The following DSCAM variants were observed in gnomAD, a reference collection of about 807,000 sequenced individuals.
DSCAM encodes the protein cell adhesion molecule DSCAM.
DSCAM carries 47 observed loss-of-function variants against 217.7 expected under a neutral mutation model. The ratio of observed to expected loss-of-function variants is 0.22; its 90% CI spans 0.17 to 0.28. The LOEUF is 0.28. Ranked by LOEUF, DSCAM falls within the 10% of genes least tolerant of loss-of-function variation. The probability of loss-of-function intolerance (pLI) is 1.00; values close to 1 mark genes in which losing one functional copy is unlikely to be tolerated. For synonymous variants in DSCAM, 1,056 were observed against 1,015.3 expected (o/e 1.04, Z -0.76); for missense variants, 2,080 against 2,618.3 (o/e 0.79, Z 4.49).
chr21:40,715,423 A>C (rs2090831218), intron 1 of DSCAM, among the ~76,000 whole-genome samples: 1 of 152,236 alleles, frequency 6.6e-6, no homozygotes, highest in Middle Eastern at 3.2e-3. Context: ...TGGGAAGCAC[A>C]GTGAACACCA....
intron 3 of DSCAM, among the ~76,000 whole-genome samples, chr21:40,547,596 G>T (rs974210809): frequency 6.6e-6 from 1 of 152,134 alleles, no homozygotes; most frequent in African/African-American, 2.4e-5. Flanking sequence ...GAAATAAAAG[G>T]CTTGCAGGAG....
At chr21:40,133,802 T>G (rs1486003441) in intron 19 of DSCAM, 52 bp downstream of exon 19, 2 of 1,548,286 alleles carry the variant, frequency 1.3e-6, no homozygotes, top group Non-Finnish European at 1.7e-6. Flanking sequence ...GAGCTCTCTG[T>G]GACCCAGCCC....
chr21:40,062,644 C>A (rs1246862563), intron 28 of DSCAM, among the ~76,000 whole-genome samples: 1 of 152,192 alleles, frequency 6.6e-6, no homozygotes, highest in Non-Finnish European at 1.5e-5. Flanking sequence ...GTCCAGCCAA[C>A]AAGACAACTA....
chr21:40,227,212 T>C (rs2091341041), intron 11 of DSCAM, among the ~76,000 whole-genome samples: 2 of 152,326 alleles, frequency 1.3e-5, no homozygotes, highest in Middle Eastern at 3.4e-3. Context: ...TGTGTCATGG[T>C]TGACTCTGGC....
At chr21:40,188,976 G>A (rs1205628671) in intron 12 of DSCAM, 66 bp downstream of exon 12, 1 of 1,529,318 alleles carries the variant, frequency 6.5e-7, no homozygotes, top group Non-Finnish European at 9.0e-7. Flanking sequence ...ACCCGCTTCT[G>A]TGAAAGGAAA....
intron 3 of DSCAM, among the ~76,000 whole-genome samples, chr21:40,487,519 A>G (rs1214874184): frequency 6.6e-6 from 1 of 152,094 alleles, no homozygotes; most frequent in African/African-American, 2.4e-5. Context: ...AAGTCACACC[A>G]AGTCATGTGG....
In DSCAM at chr21:40,831,609, CAAATG is replaced by C. The variant is rs1337829251; in HGVS notation, c.43+15005_43+15009del. On this transcript the variant is annotated intron_variant, in intron 1 of 32. Coordinates refer to ENST00000400454, the MANE Select transcript of DSCAM (RefSeq NM_001389.5). The stretch of plus-strand genomic sequence containing the variant: ...GAGAAAATTGGTAGTCAGTTCAGGA[CAAATG>C]AAATAGAGTGTACTTAAAAACAGAT... Among the ~76,000 whole-genome samples the C allele has an allele frequency of 2.6e-5, 4 of 152,086 alleles. No homozygotes were observed. The South Asian group carries it at 8.3e-4, about 32-fold the overall frequency.
At chr21:40,512,827 G>T (rs965924674) in intron 3 of DSCAM, among the ~76,000 whole-genome samples, 12 of 151,596 alleles carry the variant, frequency 7.9e-5, no homozygotes, top group African/African-American at 2.9e-4. Context: ...CAGAACTGCA[G>T]GGGAGGGAAG....
intron 4 of DSCAM, among the ~76,000 whole-genome samples, chr21:40,362,937 AG>A (rs2074783802): frequency 6.6e-6 from 1 of 152,192 alleles, no homozygotes; most frequent in African/African-American, 2.4e-5. Flanking sequence ...ATCATGTGCA[AG>A]CATCACTGCT....
chr21:40,089,052 C>A (rs1192719395), intron 21 of DSCAM, among the ~76,000 whole-genome samples: 1 of 152,194 alleles, frequency 6.6e-6, no homozygotes, highest in Non-Finnish European at 1.5e-5. Flanking sequence ...ACATTCTGGG[C>A]ATAACCCCTC....
intron 3 of DSCAM, among the ~76,000 whole-genome samples, chr21:40,405,591 GC>G (rs1257661546): frequency 6.6e-6 from 1 of 152,134 alleles, no homozygotes; most frequent in Non-Finnish European, 1.5e-5. Flanking sequence ...GGAAATATTT[GC>G]AAATCATATA....
chr21:40,539,918 C>T (rs1447771602), intron 3 of DSCAM, among the ~76,000 whole-genome samples: 4 of 152,094 alleles, frequency 2.6e-5, no homozygotes, highest in Non-Finnish European at 4.4e-5. Flanking sequence ...AATATTTTCA[C>T]GTTTCTATTT....
chr21:40,780,429 A>G (rs1256411458), intron 1 of DSCAM, among the ~76,000 whole-genome samples: 10 of 135,420 alleles, frequency 7.4e-5, no homozygotes, highest in African/African-American at 2.2e-4. Context: ...GTGTGTATAT[A>G]TATATATATA....
chr21:40,677,801 A>T (rs1185055354), intron 3 of DSCAM, among the ~76,000 whole-genome samples: 1 of 152,082 alleles, frequency 6.6e-6, no homozygotes, highest in African/African-American at 2.4e-5. Context: ...TGAGAAAATG[A>T]GAAGACAGCT....
chr21:40,324,403 G>T (rs1242871769), intron 8 of DSCAM, among the ~76,000 whole-genome samples: 1 of 152,090 alleles, frequency 6.6e-6, no homozygotes, highest in Admixed American at 6.6e-5. Flanking sequence ...GCATGGCAGT[G>T]TCTCCTTCCA....
intron 11 of DSCAM, among the ~76,000 whole-genome samples, chr21:40,254,980 C>T (rs1049732496): frequency 1.3e-5 from 2 of 151,972 alleles, no homozygotes; most frequent in African/African-American, 2.4e-5. Flanking sequence ...TTATAAGCTC[C>T]GTGTGGGTAA....
chr21:40,536,599 G>C (rs540804163), intron 3 of DSCAM, among the ~76,000 whole-genome samples: 2 of 151,914 alleles, frequency 1.3e-5, no homozygotes, highest in East Asian at 1.9e-4. Context: ...GTAGAGACAG[G>C]GTTTCACCAT....
intron 1 of DSCAM, among the ~76,000 whole-genome samples, chr21:40,840,999 C>T (rs1184326985): frequency 1.3e-5 from 2 of 152,192 alleles, no homozygotes; most frequent in African/African-American, 2.4e-5. Context: ...AGGCTTCGCA[C>T]GCATTTCAGA....
chr21:40,321,785 C>A (rs2074262400), intron 8 of DSCAM, among the ~76,000 whole-genome samples: 1 of 152,102 alleles, frequency 6.6e-6, no homozygotes, highest in South Asian at 2.1e-4. Flanking sequence ...CAGATGCAGA[C>A]CTTCGCTTAC....
Sources: allele counts gnomAD v4.1 joint callset (sites outside exome capture counted in the v4.1 genomes callset), GRCh38; gene constraint gnomAD v4.1.1; transcripts MANE v1.5; gene names NCBI Gene and HGNC (gene_info 2026-07-23, HGNC 2026-07-21).